LRRFIP1: variants seen among roughly 807,000 people sequenced by gnomAD.
LRRFIP1 encodes the protein LRR binding FLII interacting protein 1.
A neutral mutation model predicts 104.4 loss-of-function variants in LRRFIP1; 62 were observed. The ratio of observed to expected loss-of-function variants is 0.59; its 90% confidence interval spans 0.48 to 0.73. LRRFIP1 has a LOEUF of 0.73. LRRFIP1 is among the 30% of genes least tolerant of loss of function. The pLI is 0.00. For synonymous variants in LRRFIP1, 300 were observed against 299.0 expected (o/e 1.00, Z -0.03); for missense variants, 796 against 824.5 (o/e 0.97, Z 0.42).
intron 8 of LRRFIP1, among the ~76,000 whole-genome samples, chr2:237,729,232 C>A (rs996673805): frequency 1.3e-5 from 2 of 152,116 alleles, no homozygotes; most frequent in African/African-American, 4.8e-5. Context: ...CGGCTGGATG[C>A]GACATTTTAA....
At chr2:237,779,091 G>T (rs1001971879) in intron 23 of LRRFIP1, among the ~76,000 whole-genome samples, 1 of 152,114 alleles carries the variant, frequency 6.6e-6, no homozygotes, top group Non-Finnish European at 1.5e-5. Flanking sequence ...GGGTGGTGGC[G>T]CACACCTGTA....
At chr2:237,670,892 G>T (rs1234459377) in intron 1 of LRRFIP1, among the ~76,000 whole-genome samples, 2 of 152,158 alleles carry the variant, frequency 1.3e-5, no homozygotes, top group Non-Finnish European at 2.9e-5. Flanking sequence ...TCAGCGGCAG[G>T]GTCTCCTCCT....
At chr2:237,712,836 A>G (rs2094164876) in intron 2 of LRRFIP1, among the ~76,000 whole-genome samples, 2 of 152,180 alleles carry the variant, frequency 1.3e-5, no homozygotes, top group African/African-American at 2.4e-5. Flanking sequence ...GGGCCTGGCT[A>G]TTATTAGAAC....
intron 1 of LRRFIP1, among the ~76,000 whole-genome samples, chr2:237,672,778 C>G (rs2149557188): frequency 6.6e-6 from 1 of 152,280 alleles, no homozygotes; most frequent in Non-Finnish European, 1.5e-5. Flanking sequence ...TGAAATAAGA[C>G]TTTACAGTAT....
chr2:237,764,707 C>T lies in LRRFIP1; in HGVS notation c.1459+4502C>T, dbSNP rs760644379. The T allele has an allele frequency of 1.8e-4, 180 of 986,752 alleles. 2 individuals carry two copies. The highest frequency in any genetic ancestry group is 6.1e-5 in the Admixed American group (1 of 16,388). The allele number at this position is 986,752 out of a possible 1,614,324, so 61.1% of individuals were successfully genotyped here. ...AAGATTTGCACCTTAGAACAATAAT[C>T]ATTTTAAGGATAACAAGTAAATGTC... On this transcript the variant is annotated intron_variant, in intron 19 of 23. Coordinates refer to ENST00000308482, the MANE Select transcript of LRRFIP1 (RefSeq NM_001137550.2).
At chr2:237,722,474 A>G (rs1006738951) in intron 6 of LRRFIP1, among the ~76,000 whole-genome samples, 3 of 152,178 alleles carry the variant, frequency 2.0e-5, no homozygotes, top group South Asian at 2.1e-4. Context: ...TTCATTTTCA[A>G]TGATTTTTAA....
chr2:237,764,437 G>T (rs773979287), intron 19 of LRRFIP1: 28 of 1,291,596 alleles, frequency 2.2e-5, no homozygotes, highest in East Asian at 6.9e-5. Context: ...AAAAATAGAG[G>T]CATTTACTAT....
At chr2:237,644,213 C>T (rs893414247) in intron 1 of LRRFIP1, among the ~76,000 whole-genome samples, 4 of 152,192 alleles carry the variant, frequency 2.6e-5, no homozygotes, top group Admixed American at 6.5e-5. Context: ...ACACTGCCGG[C>T]GCGATGAGCT....
At chr2:237,778,490 CG>C (rs1553720220) in intron 23 of LRRFIP1, among the ~76,000 whole-genome samples, 1 of 152,204 alleles carries the variant, frequency 6.6e-6, no homozygotes, top group Non-Finnish European at 1.5e-5. Context: ...CAGGTGTGGC[CG>C]TCTTGGCCTC....
At position 237,703,485 on chromosome 2, in the gene LRRFIP1, C is replaced by A. The variant is rs1017961965; in HGVS notation, c.97-5059C>A. Among the ~76,000 whole-genome samples the A allele has an allele frequency of 6.6e-6, 1 of 152,188 alleles. No homozygotes were observed. The highest frequency in any genetic ancestry group is 1.5e-5 in the Non-Finnish European group (1 of 68,038). ...TTCTGAATTCTTTCAAGACGAGGTT[C>A]CAGATACGGAGGCTGAGGGCGAGGG... On this transcript the variant is annotated intron_variant, in intron 1 of 23. Transcript: ENST00000308482. The surrounding 1 kb of genome is among the most constrained non-coding windows in gnomAD (Gnocchi z 4.3).
chr2:237,644,802 G>A (rs1478086383), intron 1 of LRRFIP1, among the ~76,000 whole-genome samples: 3 of 152,180 alleles, frequency 2.0e-5, no homozygotes, highest in East Asian at 1.9e-4. Context: ...TTGTCTTCCC[G>A]ACCTGGTGCT....
intron 1 of LRRFIP1, among the ~76,000 whole-genome samples, chr2:237,636,352 CT>C (rs59582281): frequency 0.15 from 19,127 of 124,288 alleles, 1,109 homozygotes; most frequent in African/African-American, 0.24. Context: ...CCTTTCTTTT[CT>C]TTTTTTTTTT....
intron 20 of LRRFIP1, 46 bp from the exon 21 acceptor site, chr2:237,772,034 CA>C (rs1422901247): frequency 7.2e-7 from 1 of 1,379,740 alleles, no homozygotes; most frequent in Non-Finnish European, 1.0e-6. Context: ...TTTTCGGTCT[CA>C]TTCAGAGTAG....
At chr2:237,635,865 A>G (rs2083014451) in intron 1 of LRRFIP1, among the ~76,000 whole-genome samples, 1 of 152,102 alleles carries the variant, frequency 6.6e-6, no homozygotes, top group Non-Finnish European at 1.5e-5. Context: ...TTGGGAGGGC[A>G]GTGAGTGGAT....
At chr2:237,744,132 A>G (rs77497082) in intron 11 of LRRFIP1, among the ~76,000 whole-genome samples, 9,244 of 152,288 alleles carry the variant, frequency 0.061, 363 homozygotes, top group Middle Eastern at 0.13. Context: ...CAGAGTTCAA[A>G]GATAAGTCAT....
At chr2:237,708,735 C>T (rs936705128) in intron 2 of LRRFIP1, 105 bp downstream of exon 2, 2 of 1,275,578 alleles carry the variant, frequency 1.6e-6, no homozygotes, top group African/African-American at 1.5e-5. Context: ...GGCTGTCTCA[C>T]GTTGCTCACG....
intron 11 of LRRFIP1, among the ~76,000 whole-genome samples, chr2:237,741,642 A>G (rs778239680): frequency 1.3e-5 from 2 of 152,240 alleles, no homozygotes; most frequent in Admixed American, 6.5e-5. Flanking sequence ...AGCCTGGCCA[A>G]CATGGAGAAA....
chr2:237,668,590 G>A (rs6431554), intron 1 of LRRFIP1, among the ~76,000 whole-genome samples: 19 of 152,056 alleles, frequency 1.2e-4, no homozygotes, highest in Non-Finnish European at 2.6e-4. Flanking sequence ...AGCTACTGAA[G>A]AGCGTTTCCC....
intron 1 of LRRFIP1, among the ~76,000 whole-genome samples, chr2:237,672,287 T>G (rs1232129097): frequency 6.6e-6 from 1 of 152,186 alleles, no homozygotes; most frequent in Admixed American, 6.5e-5. Context: ...TCACCTTCCT[T>G]CAGTTCCTTC....
Sources: allele counts gnomAD v4.1 joint callset (sites outside exome capture counted in the v4.1 genomes callset), GRCh38; gene constraint gnomAD v4.1.1; non-coding constraint Gnocchi (gnomAD v3.1); transcripts MANE v1.5; gene names NCBI Gene and HGNC (gene_info 2026-07-23, HGNC 2026-07-21).